GOLM2: variants seen among roughly 807,000 people sequenced by gnomAD.
GOLM2 encodes the protein golgi membrane protein 2.
In GOLM2, 26 loss-of-function variants were observed where a neutral mutation model predicts 55.9. The ratio of observed to expected loss-of-function variants is 0.47; its 90% CI spans 0.34 to 0.65. GOLM2 has a LOEUF of 0.65. GOLM2 is among the 30% of genes least tolerant of loss of function. The probability of loss-of-function intolerance (pLI) is 0.01; values close to 1 mark genes in which losing one functional copy is unlikely to be tolerated. For synonymous variants in GOLM2, 165 were observed against 194.6 expected (o/e 0.85, Z 1.27); for missense variants, 486 against 531.8 (o/e 0.91, Z 0.85).
intron 8 of GOLM2, among the ~76,000 whole-genome samples, chr15:44,393,261 G>T (rs1317019710): frequency 1.3e-5 from 2 of 152,098 alleles, no homozygotes; most frequent in Non-Finnish European, 2.9e-5. Flanking sequence ...CTTTTTAATA[G>T]CATAAAAAGA....
chr15:44,385,162 C>T (rs1478590855), intron 8 of GOLM2, among the ~76,000 whole-genome samples: 3 of 151,984 alleles, frequency 2.0e-5, no homozygotes, highest in East Asian at 3.9e-4. Context: ...TTTTTTTGAA[C>T]ATCTGTTTTT....
At chr15:44,395,616 C>A (rs148580207) in intron 8 of GOLM2, among the ~76,000 whole-genome samples, 1 of 151,430 alleles carries the variant, frequency 6.6e-6, no homozygotes, top group Admixed American at 6.6e-5. Flanking sequence ...CCAAGGCGGG[C>A]GAATCACAAG....
chr15:44,310,833 G>A (rs376542371), intron 1 of GOLM2, among the ~76,000 whole-genome samples: 8 of 152,106 alleles, frequency 5.3e-5, no homozygotes, highest in Middle Eastern at 3.4e-3. Context: ...CCTGACCAAC[G>A]TGGTGAAACC....
rs76515129 is a variant in GOLM2, at chr15:44,359,369, C to T, written c.803-20321C>T. Among the ~76,000 whole-genome samples, 365 of 152,114 alleles carry T rather than the reference C, an allele frequency of 2.4e-3. 3 individuals are homozygous for T. The highest frequency in any genetic ancestry group is 7.1e-3 in the African/African-American group (294 of 41,516). On this transcript the variant is annotated intron_variant, in intron 6 of 9. Transcript: ENST00000299957. ...TTGGGAGGCTGAGGTGGGCGGATCA[C>T]GAGTTCAGGAGATCGAGACCATCCT...
chr15:44,289,434 G>A lies in GOLM2; in HGVS notation c.327+78G>A. 7.5e-7 allele frequency: 1 copy of A among 1,327,444 alleles called. No homozygotes were observed. 82.2% of individuals were successfully genotyped at this position (1,327,444 alleles called of 1,614,324 possible). On this transcript the variant is annotated intron_variant, in intron 1 of 9. Coordinates refer to ENST00000299957, the MANE Select transcript of GOLM2 (RefSeq NM_138423.4). This position sits in a 1 kb window ranked among gnomAD's most constrained non-coding sequence, Gnocchi z 4.8. The stretch of plus-strand genomic sequence containing the variant: ...TCTGGGGCGGGATGTTAATCCGCTA[G>A]CTGTTGTCTTATGCCTTCCAGTATT...
At chr15:44,309,384 A>G (rs1049649362) in intron 1 of GOLM2, among the ~76,000 whole-genome samples, 5 of 152,322 alleles carry the variant, frequency 3.3e-5, no homozygotes, top group African/African-American at 9.6e-5. Context: ...AGTTCTGGAG[A>G]TCAATGTATA....
intron 1 of GOLM2, among the ~76,000 whole-genome samples, chr15:44,310,571 C>T (rs2078869085): frequency 6.6e-6 from 1 of 151,118 alleles, no homozygotes; most frequent in South Asian, 2.1e-4. Flanking sequence ...CCTATAATCC[C>T]AGCTACCTGA....
chr15:44,331,743 G>T (rs1480279855), intron 3 of GOLM2, among the ~76,000 whole-genome samples: 17 of 152,238 alleles, frequency 1.1e-4, no homozygotes, highest in South Asian at 2.1e-4. Flanking sequence ...AATAGGAAAA[G>T]AATTGTTTTT....
intron 2 of GOLM2, among the ~76,000 whole-genome samples, chr15:44,327,396 A>G (rs1410648960): frequency 1.3e-5 from 2 of 151,920 alleles, no homozygotes; most frequent in Non-Finnish European, 2.9e-5. Flanking sequence ...CTATAAATAC[A>G]CGTATATATC....
chr15:44,369,118 C>T (rs1368644178), intron 6 of GOLM2, among the ~76,000 whole-genome samples: 4 of 48,046 alleles, frequency 8.3e-5, no homozygotes, highest in Non-Finnish European at 1.7e-4. Context: ...TATATATATA[C>T]CCGGCTACCA....
intron 6 of GOLM2, among the ~76,000 whole-genome samples, chr15:44,353,979 T>C (rs200067072): frequency 6.6e-6 from 1 of 152,126 alleles, no homozygotes; most frequent in East Asian, 1.9e-4. Flanking sequence ...GGATGCCCCA[T>C]TTACCCTGGT....
chr15:44,370,823 C>G (rs2079325023), intron 6 of GOLM2, among the ~76,000 whole-genome samples: 1 of 152,010 alleles, frequency 6.6e-6, no homozygotes, highest in Non-Finnish European at 1.5e-5. Context: ...GCATGCCCAC[C>G]TAATTTTTTT....
intron 6 of GOLM2, among the ~76,000 whole-genome samples, chr15:44,367,674 A>G (rs1479248703): frequency 6.6e-6 from 1 of 152,070 alleles, no homozygotes; most frequent in African/African-American, 2.4e-5. Flanking sequence ...GTGGGCCTGC[A>G]GTCCCAGCTA....
intron 6 of GOLM2, among the ~76,000 whole-genome samples, chr15:44,351,438 G>T (rs960984749): frequency 1.3e-5 from 2 of 151,730 alleles, no homozygotes; most frequent in Admixed American, 1.3e-4. Context: ...TTAGCCGGGC[G>T]TGGTGGCGGG....
intron 6 of GOLM2, among the ~76,000 whole-genome samples, chr15:44,355,881 T>G (rs2079194907): frequency 6.6e-6 from 1 of 152,076 alleles, no homozygotes; most frequent in Non-Finnish European, 1.5e-5. Flanking sequence ...GTACCGTCAA[T>G]AAAGTCTTCT....
intron 6 of GOLM2, among the ~76,000 whole-genome samples, chr15:44,364,159 A>G (rs1490137336): frequency 1.3e-5 from 2 of 152,180 alleles, no homozygotes; most frequent in African/African-American, 4.8e-5. Flanking sequence ...TAACCTGCAC[A>G]TTGTGCACAT....
At chr15:44,294,590 T>C (rs1453831509) in intron 1 of GOLM2, among the ~76,000 whole-genome samples, 1 of 151,846 alleles carries the variant, frequency 6.6e-6, no homozygotes, top group East Asian at 1.9e-4. Flanking sequence ...GGTGCGCACC[T>C]GTAGTCCCAG....
At chr15:44,407,180 CAT>C (rs1490976515) in intron 9 of GOLM2, among the ~76,000 whole-genome samples, 1 of 142,908 alleles carries the variant, frequency 7.0e-6, no homozygotes, top group African/African-American at 2.5e-5. Context: ...ATATTTATAA[CAT>C]ATTTCTATTA....
At chr15:44,385,308 T>C (rs955436860) in intron 8 of GOLM2, among the ~76,000 whole-genome samples, 2 of 151,070 alleles carry the variant, frequency 1.3e-5, no homozygotes, top group Non-Finnish European at 3.0e-5. Context: ...CGTATAAGAG[T>C]TCCAATTTCT....
Sources: allele counts gnomAD v4.1 joint callset (sites outside exome capture counted in the v4.1 genomes callset), GRCh38; gene constraint gnomAD v4.1.1; non-coding constraint Gnocchi (gnomAD v3.1); transcripts MANE v1.5; gene names NCBI Gene and HGNC (gene_info 2026-07-23, HGNC 2026-07-21).